ALKBH3: variants seen among roughly 807,000 people sequenced by gnomAD.
ALKBH3 encodes the protein alkB homolog 3, alpha-ketoglutarate dependent dioxygenase.
ALKBH3 carries 51 observed loss-of-function variants against 43.9 expected under a neutral mutation model. That is an observed-to-expected ratio of 1.16 (90% CI 0.93 to 1.47). The LOEUF is 1.47. Ranked by LOEUF, ALKBH3 falls within the 40% of genes most tolerant of loss-of-function variation. The pLI, the probability that ALKBH3 is intolerant of heterozygous loss-of-function variation, is 0.00. For missense variants in ALKBH3, 361 were observed against 351.9 expected (o/e 1.03, Z -0.21); for synonymous variants, 102 against 115.2 (o/e 0.89, Z 0.73).
intron 5 of ALKBH3, among the ~76,000 whole-genome samples, chr11:43,888,665 T>C (rs758553950): frequency 6.6e-6 from 1 of 152,188 alleles, no homozygotes; most frequent in Non-Finnish European, 1.5e-5. Context: ...AGCAAGTCAC[T>C]CAAGAAAACC....
At chr11:43,883,218 A>T in intron 3 of ALKBH3, 30 bp downstream of exon 3, 1 of 1,562,344 alleles carries the variant, frequency 6.4e-7, no homozygotes, top group South Asian at 1.2e-5. Context: ...TTCAATAGTG[A>T]TAAAAATTTG....
Sources: allele counts gnomAD v4.1 joint callset (sites outside exome capture counted in the v4.1 genomes callset), GRCh38; gene constraint gnomAD v4.1.1; transcripts MANE v1.5; gene names NCBI Gene and HGNC (gene_info 2026-07-23, HGNC 2026-07-21).